Variants in FAM124B observed in about 807,000 individuals in gnomAD.
FAM124B encodes protein FAM124B.
FAM124B carries 18 observed loss-of-function variants against 19.7 expected under a neutral mutation model. The ratio of observed to expected loss-of-function variants is 0.92; its 90% CI spans 0.63 to 1.36. FAM124B has a LOEUF of 1.36. FAM124B is among the 40% of genes most tolerant of loss of function. FAM124B has a pLI of 0.00. For synonymous variants in FAM124B, 223 were observed against 225.2 expected, an observed-to-expected ratio of 0.99 and a Z score of 0.09; for missense variants, 540 against 553.3, an observed-to-expected ratio of 0.98 and a Z score of 0.24.
intron 1 of FAM124B, among the ~76,000 whole-genome samples, chr2:224,398,854 T>C (rs988256097): frequency 3.9e-5 from 6 of 152,190 alleles, no homozygotes; most frequent in African/African-American, 1.4e-4. Flanking sequence ...CAGGCACCTG[T>C]AGTCTCAGCC....
At chr2:224,395,541 G>A (rs1327010177) in intron 1 of FAM124B, among the ~76,000 whole-genome samples, 1 of 152,172 alleles carries the variant, frequency 6.6e-6, no homozygotes, top group Non-Finnish European at 1.5e-5. Context: ...AACGAATAAA[G>A]GGAAGGTTGA....
chr2:224,385,384 C>T (rs961391766), intron 1 of FAM124B, among the ~76,000 whole-genome samples: 3 of 152,196 alleles, frequency 2.0e-5, no homozygotes, highest in African/African-American at 7.2e-5. Context: ...CCCTCCACCC[C>T]TTCTCCGTTT....
Position 224,379,942 on chromosome 2 carries a change from G to A in FAM124B, c.999C>T (p.His333=). ...VSSPAMGAHL[H]LSSHHLESGA... is the part of the protein sequence containing the mutation. ...CGGATTCAAGGTGATGAGAAGACAG[G>A]TGCAGGTGGGCACCCATAGCTGGGC... The change falls in exon 2 of 2, where the codon CAC becomes CAT. Residue 333 remains histidine (H), a synonymous_variant. Coordinates refer to ENST00000409685, the MANE Select transcript of FAM124B (RefSeq NM_001122779.2). 6.4e-7 allele frequency: 1 copy of A among 1,551,842 alleles called. No homozygotes were observed. Among genetic ancestry groups the A allele is most frequent in the South Asian group, 1.2e-5 (1 of 84,066 alleles).
chr2:224,380,210 T>C lies in FAM124B; in HGVS notation c.733-2A>G. 1.3e-6 allele frequency: 2 copies of C among 1,535,178 alleles called. No individual in the cohort carries two copies. Among genetic ancestry groups the C allele is most frequent in the East Asian group, 4.9e-5 (2 of 40,612 alleles). Reference sequence around the variant, plus strand: ...ACCAAGTTCTGGATTCAGCTGAACCTACAGGAAAGGAAAGGAGGAACATAT... The same window carrying C: ...ACCAAGTTCTGGATTCAGCTGAACCCACAGGAAAGGAAAGGAGGAACATAT... On this transcript the variant is annotated splice_acceptor_variant, in intron 1 of 1. Coordinates refer to ENST00000409685, the MANE Select transcript of FAM124B (RefSeq NM_001122779.2). LOFTEE classifies it high-confidence loss of function.
At chr2:224,400,361 C>T in intron 1 of FAM124B, 1 of 636,686 alleles carries the variant, frequency 1.6e-6, no homozygotes, top group Non-Finnish European at 2.8e-6. Flanking sequence ...AATAAAATAG[C>T]CAGACATGGC....
At position 224,380,096 on chromosome 2, in the gene FAM124B, C is replaced by T. The variant is rs1193822320; in HGVS notation, c.845G>A (p.Ser282Asn). The T allele has an allele frequency of 6.4e-7, 1 of 1,551,688 alleles. No homozygotes were observed. Among genetic ancestry groups the T allele is most frequent in the East Asian group, 2.4e-5 (1 of 40,912 alleles). ...GGACCTCTTGCCCTGGTTCCTCTGG[C>T]TCCTGGGTTCTGAGGTCCTCTTTGC... ...VSAKRTSEPRSQRNQGKRSQG... is the reference protein window; with the variant it reads ...VSAKRTSEPRNQRNQGKRSQG... The change falls in exon 2 of 2, where the codon AGC becomes AAC. Residue 282 changes from serine (S) to asparagine (N), a missense_variant. By Grantham distance (46) the Ser-to-Asn change is conservative. Coordinates refer to ENST00000409685, the MANE Select transcript of FAM124B (RefSeq NM_001122779.2).
At chr2:224,381,362 G>A (rs1689713789) in intron 1 of FAM124B, among the ~76,000 whole-genome samples, 1 of 152,176 alleles carries the variant, frequency 6.6e-6, no homozygotes, top group Non-Finnish European at 1.5e-5. Flanking sequence ...AGGCAGAAGA[G>A]GGAGGATCCC....
At position 224,399,255 on chromosome 2, in the gene FAM124B, A is replaced by G. The variant is rs192426680; in HGVS notation, c.732+1782T>C. Among the ~76,000 whole-genome samples, 6 of 152,296 alleles carry G rather than the reference A, an allele frequency of 3.9e-5. No homozygotes were observed. In the East Asian group the frequency reaches 1.2e-3, roughly 29 times the overall value. ...ACACACATTACATTTTTGTTTGACCATGAGGTTGATTTTAAGTACTAGAGA... is the reference window on the plus strand; with the variant it reads ...ACACACATTACATTTTTGTTTGACCGTGAGGTTGATTTTAAGTACTAGAGA... On this transcript the variant is annotated intron_variant, in intron 1 of 1. Transcript: ENST00000409685.
intron 1 of FAM124B, among the ~76,000 whole-genome samples, chr2:224,381,618 T>A (rs1169076165): frequency 2.6e-5 from 4 of 152,202 alleles, no homozygotes; most frequent in African/African-American, 9.7e-5. Flanking sequence ...TGCACATCCT[T>A]ATACATTTGT....
At chr2:224,399,112 C>G (rs112591929) in intron 1 of FAM124B, among the ~76,000 whole-genome samples, 2,533 of 152,308 alleles carry the variant, frequency 0.017, 40 homozygotes, top group Non-Finnish European at 0.022. Context: ...CTCTTCTACA[C>G]TCCCCAAATG....
intron 1 of FAM124B, among the ~76,000 whole-genome samples, chr2:224,393,184 A>G (rs957372171): frequency 8.5e-5 from 13 of 152,198 alleles, no homozygotes; most frequent in Admixed American, 3.3e-4. Context: ...TTGGAGAGTT[A>G]TGTGGATTCT....
intron 1 of FAM124B, among the ~76,000 whole-genome samples, chr2:224,388,425 G>A (rs1689831708): frequency 6.6e-6 from 1 of 152,186 alleles, no homozygotes; most frequent in Non-Finnish European, 1.5e-5. Flanking sequence ...AAATGCTACA[G>A]CACTGATTAA....
intron 1 of FAM124B, among the ~76,000 whole-genome samples, chr2:224,382,786 G>A (rs549183364): frequency 4.6e-5 from 7 of 152,134 alleles, no homozygotes; most frequent in South Asian, 2.1e-4. Flanking sequence ...CCTGGTTGAC[G>A]TACAGAGGGT....
At chr2:224,386,256 G>A (rs1284013657) in intron 1 of FAM124B, among the ~76,000 whole-genome samples, 1 of 152,018 alleles carries the variant, frequency 6.6e-6, no homozygotes, top group African/African-American at 2.4e-5. Flanking sequence ...CTATGCCAGG[G>A]TTCATATATA....
Position 224,401,392 on chromosome 2 carries a change from C to CA in FAM124B, c.376dup (p.Trp126LeufsTer22). On this transcript the variant is annotated frameshift_variant, in exon 1 of 2. Coordinates refer to ENST00000409685, the MANE Select transcript of FAM124B (RefSeq NM_001122779.2). LOFTEE classifies it high-confidence loss of function. ...GCCACAGTGCACCTGCCTCACCCCC[C>CA]AGATGGGCAGCTGACTGTCCAGGCT... 2.5e-6 allele frequency: 4 copies of CA among 1,614,116 alleles called. No homozygotes were observed. The highest frequency in any genetic ancestry group is 3.4e-6 in the Non-Finnish European group (4 of 1,180,032).
At chr2:224,384,678 C>T (rs1249638801) in intron 1 of FAM124B, among the ~76,000 whole-genome samples, 6 of 152,204 alleles carry the variant, frequency 3.9e-5, no homozygotes, top group Non-Finnish European at 7.3e-5. Context: ...CCCCCACTCT[C>T]TCTCATCAGG....
At chr2:224,382,405 CTTTTTTTTTTT>C (rs71062905) in intron 1 of FAM124B, among the ~76,000 whole-genome samples, 1 of 106,390 alleles carries the variant, frequency 9.4e-6, no homozygotes, top group Non-Finnish European at 1.8e-5. Flanking sequence ...GATTCCCTGT[CTTTTTTTTTTT>C]TTTTTTTTTT....
At chr2:224,387,088 A>G (rs1372951979) in intron 1 of FAM124B, among the ~76,000 whole-genome samples, 1 of 152,252 alleles carries the variant, frequency 6.6e-6, no homozygotes, top group African/African-American at 2.4e-5. Context: ...AATTTCCAGG[A>G]GAAACATAAT....
In FAM124B at chr2:224,379,476, C is replaced by A; in HGVS notation, c.*97G>T. ...TGTGCATGGGGAGCATTCAGCCCCCCTCAGATGAACAACTAACAGGCTGAT... is the reference window on the plus strand; with the variant it reads ...TGTGCATGGGGAGCATTCAGCCCCCATCAGATGAACAACTAACAGGCTGAT... On this transcript the variant is annotated 3_prime_UTR_variant, in exon 2 of 2. Transcript: ENST00000409685. 1 of 1,422,392 alleles carries A rather than the reference C, an allele frequency of 7.0e-7. No homozygotes were observed. Among genetic ancestry groups the A allele is most frequent in the Non-Finnish European group, 9.3e-7 (1 of 1,080,000 alleles). The allele number at this position is 1,422,392 out of a possible 1,614,324, so 88.1% of individuals were successfully genotyped here.
Sources: allele counts gnomAD v4.1 joint callset (sites outside exome capture counted in the v4.1 genomes callset), GRCh38; gene constraint gnomAD v4.1.1; transcripts MANE v1.5; gene names NCBI Gene and HGNC (gene_info 2026-07-23, HGNC 2026-07-21).